MTMR4: variants seen among roughly 807,000 people sequenced by gnomAD.
MTMR4 encodes the protein phosphatidylinositol-3,5-bisphosphate 3-phosphatase MTMR4.
In MTMR4, 30 loss-of-function variants were observed where a neutral mutation model predicts 125.5. That is an observed-to-expected ratio of 0.24 (90% CI 0.18 to 0.32). MTMR4 has a LOEUF of 0.32. Among genes scored for constraint, MTMR4 ranks in the 10% least tolerant of loss-of-function variants. MTMR4 has a pLI of 1.00. For synonymous variants in MTMR4, 498 were observed against 564.5 expected (o/e 0.88, Z 1.67); for missense variants, 1,039 against 1,511.5 (o/e 0.69, Z 5.18).
At chr17:58,516,612 C>T, upstream of MTMR4, 1 of 1,614,062 alleles carries the variant, frequency 6.2e-7, no homozygotes. Context: ...TGGCTGCCTG[C>T]TTCTCACTGT....
chr17:58,503,798 A>C lies in MTMR4; in HGVS notation c.1799T>G (p.Leu600Arg). 6.2e-7 allele frequency: 1 copy of C among 1,614,178 alleles called. No homozygotes were observed. Among genetic ancestry groups the C allele is most frequent in the East Asian group, 2.2e-5 (1 of 44,884 alleles). The change falls in exon 14 of 18, where the codon CTT becomes CGT. Residue 600 changes from leucine to arginine, a missense_variant. Leu to Arg is a moderately radical substitution (Grantham distance 102, BLOSUM62 -2). Transcript: ENST00000682306. ...GCTCTGGGCCACTGGGGAAAGGTAA[A>C]GATCCATGTTTTCTTCCCCAAGTGT... The part of the protein sequence containing the change: ...PCTLGEENMD[L>R]YLSPVAQSQE...
intron 14 of MTMR4, among the ~76,000 whole-genome samples, chr17:58,501,935 T>C (rs1975644872): frequency 6.6e-6 from 1 of 151,844 alleles, no homozygotes; most frequent in African/African-American, 2.4e-5. Flanking sequence ...GGCGCATGCC[T>C]GTAATCCCAG....
chr17:58,505,334 A>G (rs1975749357), intron 10 of MTMR4, 138 bp downstream of exon 10: 2 of 685,876 alleles, frequency 2.9e-6, no homozygotes, highest in Admixed American at 2.5e-5. Flanking sequence ...TCTTGGAACT[A>G]GCCCACGGCA....
chr17:58,510,453 CTT>C (rs1480643099), intron 4 of MTMR4: 1 of 152,220 alleles, frequency 6.6e-6, no homozygotes, highest in Non-Finnish European at 1.5e-5. Context: ...CGACTGCCAC[CTT>C]TTCGGTGCAG....
In MTMR4 at chr17:58,491,297, T is replaced by G. The variant is rs1598208780; in HGVS notation, c.*366A>C. On this transcript the variant is annotated 3_prime_UTR_variant, in exon 18 of 18. Transcript: ENST00000682306. ...GAGGAGAGATGGGTCTGGTTATCAC[T>G]TGGAGTTTGGTTATACATATGCCTT... 1 of 163,030 alleles carries G rather than the reference T, an allele frequency of 6.1e-6. No homozygotes were observed. The highest frequency in any genetic ancestry group is 1.7e-4 in the East Asian group (1 of 5,728). 10.1% of individuals were successfully genotyped at this position (163,030 alleles called of 1,614,324 possible). A position where few individuals can be genotyped will look rare whatever the true frequency, so the allele number is the denominator to read the frequency against.
intron 14 of MTMR4, among the ~76,000 whole-genome samples, chr17:58,499,232 CTTTT>C (rs778066614): frequency 7.0e-6 from 1 of 143,510 alleles, no homozygotes; most frequent in African/African-American, 2.5e-5. Context: ...CACAGAACTT[CTTTT>C]TTTTTTAAAA....
Position 58,504,110 on chromosome 17 carries a change from C to T in MTMR4, c.1638G>A (p.Ala546=), listed in dbSNP as rs765432521. The T allele has an allele frequency of 5.0e-6, 8 of 1,600,942 alleles. No individual in the cohort carries two copies. The highest frequency in any genetic ancestry group is 2.2e-5 in the South Asian group (2 of 89,224). The part of the protein sequence containing the change: ...NIYKRTCSVW[A]LLRAGNKNFH... ...AGTTTTTATTGCCAGCTCGAAGGAGCGCCCACACAGAGCAGGTCCGCTTGT... is the reference window on the plus strand; with the variant it reads ...AGTTTTTATTGCCAGCTCGAAGGAGTGCCCACACAGAGCAGGTCCGCTTGT... Residue 546 remains alanine, a synonymous_variant, in exon 13 of 18, where the codon GCG becomes GCA. Transcript: ENST00000682306. The surrounding 1 kb of genome is among the most constrained non-coding windows in gnomAD (Gnocchi z 7.1).
rs79481082 is a variant in MTMR4, at chr17:58,497,290, T to C, written c.1854-960A>G. 9.2e-3 allele frequency among the ~76,000 whole-genome samples: 1,395 copies of C among 152,342 alleles called. 13 individuals are homozygous for C. The highest frequency in any genetic ancestry group is 0.031 in the Middle Eastern group (9 of 294). Reference sequence around the variant, plus strand: ...ATCGGTTTTTGAAACTTAAAACAAATGTTTTATACATACTTGATATACCTT... The same window carrying C: ...ATCGGTTTTTGAAACTTAAAACAAACGTTTTATACATACTTGATATACCTT... On this transcript the variant is annotated intron_variant, in intron 14 of 17. Coordinates refer to ENST00000682306, the MANE Select transcript of MTMR4 (RefSeq NM_001378067.1).
rs1975841269 is a variant in MTMR4 at position 58,508,581 on chromosome 17, A to G, written c.497-17T>C. The G allele has an allele frequency of 6.2e-7, 1 of 1,614,066 alleles. No individual in the cohort carries two copies. Among genetic ancestry groups the G allele is most frequent in the Non-Finnish European group, 8.5e-7 (1 of 1,180,032 alleles). The stretch of plus-strand genomic sequence containing the variant: ...TGTGCTCACCTGCAACAGAGCCCCC[A>G]CGATGGTTAGCTTCCCAGAGCACCA... On this transcript the variant is annotated splice_polypyrimidine_tract_variant and intron_variant, in intron 5 of 17. Coordinates refer to ENST00000682306, the MANE Select transcript of MTMR4 (RefSeq NM_001378067.1). This position sits in a 1 kb window ranked among gnomAD's most constrained non-coding sequence, Gnocchi z 4.8.
chr17:58,505,113 C>T, intron 10 of MTMR4, 139 bp from the exon 11 acceptor site: 2 of 774,748 alleles, frequency 2.6e-6, no homozygotes, highest in African/African-American at 1.8e-5. Flanking sequence ...GCCTTTTGGA[C>T]AAGAGGTATC....
chr17:58,505,441 A>C (rs1975753170), intron 10 of MTMR4, 31 bp downstream of exon 10: 1 of 1,532,486 alleles, frequency 6.5e-7, no homozygotes, highest in African/African-American at 1.4e-5. Flanking sequence ...AAGGAATGAG[A>C]CTGGAAGGAA....
intron 1 of MTMR4, among the ~76,000 whole-genome samples, chr17:58,513,170 T>C (rs921400323): frequency 7.2e-5 from 11 of 151,996 alleles, no homozygotes; most frequent in African/African-American, 2.4e-4. Flanking sequence ...CCAGGAGGAA[T>C]TGGGAATCTG....
Position 58,508,579 on chromosome 17 carries a change from C to A in MTMR4, c.497-15G>T. The A allele has an allele frequency of 3.1e-6, 5 of 1,614,192 alleles. No individual in the cohort carries two copies. Among genetic ancestry groups the A allele is most frequent in the Non-Finnish European group, 4.2e-6 (5 of 1,180,026 alleles). Reference sequence around the variant, plus strand: ...TATGTGCTCACCTGCAACAGAGCCCCCACGATGGTTAGCTTCCCAGAGCAC... The same window carrying A: ...TATGTGCTCACCTGCAACAGAGCCCACACGATGGTTAGCTTCCCAGAGCAC... On this transcript the variant is annotated splice_polypyrimidine_tract_variant and intron_variant, in intron 5 of 17. Transcript: ENST00000682306. This position sits in a 1 kb window ranked among gnomAD's most constrained non-coding sequence, Gnocchi z 4.8.
rs1598209052 is a variant in MTMR4 at position 58,491,628 on chromosome 17, A to G, written c.*35T>C. ...ACAACTGAAGAAGATCCTCCCTTCA[A>G]ACCTGCTAAAATTGGACAGGTTTCT... On this transcript the variant is annotated 3_prime_UTR_variant, in exon 18 of 18. Transcript: ENST00000682306. 8 of 1,600,696 alleles carry G rather than the reference A, an allele frequency of 5.0e-6. 1 individual carries two copies. The East Asian group carries it at 1.8e-4, about 36-fold the overall frequency.
upstream of MTMR4, among the ~76,000 whole-genome samples, chr17:58,518,370 C>T (rs184809346): frequency 2.6e-5 from 4 of 152,258 alleles, no homozygotes; most frequent in Admixed American, 2.0e-4. Flanking sequence ...GTTTTGGTTT[C>T]GCAGCTGTCA....
In MTMR4 at chr17:58,514,506, G is replaced by A; in HGVS notation, c.-99C>T. 1 of 985,182 alleles carries A rather than the reference G, an allele frequency of 1.0e-6. No individual in the cohort carries two copies. The highest frequency in any genetic ancestry group is 1.7e-5 in the African/African-American group (1 of 57,312). The allele number at this position is 985,182 out of a possible 1,614,324, so 61.0% of individuals were successfully genotyped here. A position where few individuals can be genotyped will look rare whatever the true frequency, so the allele number is the denominator to read the frequency against. ...GCATCCCGGCTGCGGGGCTCGCCAG[G>A]TGCAGCCGCGGCGGCCAAGAGGCTA... On this transcript the variant is annotated 5_prime_UTR_variant, in exon 1 of 18. Coordinates refer to ENST00000682306, the MANE Select transcript of MTMR4 (RefSeq NM_001378067.1).
rs1183237991 is a variant in MTMR4, at chr17:58,514,535, C to G, written c.-128G>C. The G allele has an allele frequency of 2.0e-6, 2 of 985,052 alleles. No homozygotes were observed. The highest frequency in any genetic ancestry group is 1.2e-6 in the Non-Finnish European group (1 of 829,880). The allele number at this position is 985,052 out of a possible 1,614,324, so 61.0% of individuals were successfully genotyped here. A position where few individuals can be genotyped will look rare whatever the true frequency, so the allele number is the denominator to read the frequency against. On this transcript the variant is annotated 5_prime_UTR_variant, in exon 1 of 18. Transcript: ENST00000682306. ...AGCCGCGGCGGCCAAGAGGCTAGGG[C>G]GCTGGTGGCCGGGCCTCCGCGCGGC... is the stretch of plus-strand genomic sequence containing the variant.
At position 58,504,645 on chromosome 17, in the gene MTMR4, G is replaced by C. The variant is rs1975728821; in HGVS notation, c.1341+134C>G. The C allele has an allele frequency of 4.4e-6, 6 of 1,353,468 alleles. No homozygotes were observed. Among genetic ancestry groups the C allele is most frequent in the African/African-American group, 1.5e-5 (1 of 68,370 alleles). The allele number at this position is 1,353,468 out of a possible 1,614,324, so 83.8% of individuals were successfully genotyped here. A position where few individuals can be genotyped will look rare whatever the true frequency, so the allele number is the denominator to read the frequency against. On this transcript the variant is annotated intron_variant, in intron 11 of 17. Transcript: ENST00000682306. The surrounding 1 kb of genome is among the most constrained non-coding windows in gnomAD (Gnocchi z 7.1). The stretch of plus-strand genomic sequence containing the variant: ...AAGCCACCAATTTTCCAAGCCTTTG[G>C]GAGTTGGAAAAAAAAAGAAAAAAAG...
chr17:58,498,901 T>G (rs907426189), intron 14 of MTMR4, among the ~76,000 whole-genome samples: 4 of 152,192 alleles, frequency 2.6e-5, no homozygotes, highest in Non-Finnish European at 5.9e-5. Flanking sequence ...TCTCCAACTT[T>G]CAATTCTGTA....
Sources: allele counts gnomAD v4.1 joint callset (sites outside exome capture counted in the v4.1 genomes callset), GRCh38; gene constraint gnomAD v4.1.1; non-coding constraint Gnocchi (gnomAD v3.1); transcripts MANE v1.5; gene names NCBI Gene and HGNC (gene_info 2026-07-23, HGNC 2026-07-21).